The following BBS9 variants were observed in gnomAD, a reference collection of about 807,000 sequenced individuals.
BBS9 encodes the protein protein PTHB1.
BBS9 carries 89 observed loss-of-function variants against 117.7 expected under a neutral mutation model. That is an observed-to-expected ratio of 0.76 (90% CI 0.64 to 0.90). BBS9 has a LOEUF of 0.90. Ranked by LOEUF, BBS9 falls within the 40% of genes least tolerant of loss-of-function variation. The pLI, the probability that BBS9 is intolerant of heterozygous loss-of-function variation, is 0.00. For missense variants in BBS9, 982 were observed against 1,042.2 expected (o/e 0.94, Z 0.80); for synonymous variants, 379 against 370.9 (o/e 1.02, Z -0.25).
intron 12 of BBS9, 38 bp from the exon 13 acceptor site, chr7:33,349,030 A>G: frequency 7.3e-7 from 1 of 1,373,978 alleles, no homozygotes; most frequent in South Asian, 1.2e-5. Flanking sequence ...TTTGAATAAA[A>G]TGTAATTTTC....
chr7:33,296,249 A>G (rs942256510), intron 9 of BBS9, among the ~76,000 whole-genome samples: 17 of 152,158 alleles, frequency 1.1e-4, no homozygotes, highest in African/African-American at 3.9e-4. Flanking sequence ...TTTTCTGAAC[A>G]TATCTTGGAA....
chr7:33,320,305 A>G (rs987814366), intron 9 of BBS9, among the ~76,000 whole-genome samples: 5 of 152,106 alleles, frequency 3.3e-5, no homozygotes, highest in African/African-American at 1.2e-4. Flanking sequence ...CAATCGTTTT[A>G]ATTTTTAGCA....
At chr7:33,351,053 A>G (rs1818557686) in intron 13 of BBS9, among the ~76,000 whole-genome samples, 166 bp from the exon 14 acceptor site, 1 of 152,238 alleles carries the variant, frequency 6.6e-6, no homozygotes, top group Admixed American at 6.5e-5. Context: ...AATGAGGACA[A>G]TAATAGTATC....
chr7:33,299,143 T>C (rs1266890664), intron 9 of BBS9, among the ~76,000 whole-genome samples: 2 of 152,188 alleles, frequency 1.3e-5, no homozygotes, highest in Non-Finnish European at 2.9e-5. Context: ...GCTTCAGCAT[T>C]GCTGGCTGTA....
chr7:33,470,289 C>CTT (rs34152927), intron 19 of BBS9, among the ~76,000 whole-genome samples: 18 of 150,842 alleles, frequency 1.2e-4, no homozygotes, highest in Non-Finnish European at 1.8e-4. Context: ...CACCAGCATT[C>CTT]TTTTTTTTTC....
chr7:33,149,458 A>C (rs1350863335), intron 2 of BBS9, among the ~76,000 whole-genome samples: 1 of 152,184 alleles, frequency 6.6e-6, no homozygotes, highest in Middle Eastern at 3.2e-3. Flanking sequence ...TTCCTTGTTA[A>C]TCTTGATAGT....
chr7:33,155,546 G>T, intron 3 of BBS9, 92 bp from the exon 4 acceptor site: 2 of 794,728 alleles, frequency 2.5e-6, no homozygotes, highest in East Asian at 2.7e-5. Flanking sequence ...CAGTGGCTGT[G>T]GTTATGAGAT....
intron 4 of BBS9, among the ~76,000 whole-genome samples, chr7:33,156,119 C>T (rs1483692587): frequency 2.0e-5 from 3 of 152,138 alleles, no homozygotes; most frequent in Admixed American, 1.3e-4. Flanking sequence ...TTCTCTTTAC[C>T]GTTCCAATTT....
At chr7:33,529,657 C>G (rs1195073538) in intron 20 of BBS9, among the ~76,000 whole-genome samples, 1 of 152,162 alleles carries the variant, frequency 6.6e-6, no homozygotes, top group African/African-American at 2.4e-5. Flanking sequence ...ACTCCCCCAC[C>G]GCTGTTGTTT....
At chr7:33,347,644 A>G (rs1817850705) in intron 12 of BBS9, among the ~76,000 whole-genome samples, 1 of 151,972 alleles carries the variant, frequency 6.6e-6, no homozygotes, top group African/African-American at 2.4e-5. Flanking sequence ...GTTGTGCAGA[A>G]TACTCACATC....
chr7:33,586,829 T>C (rs1217831263), intron 21 of BBS9, among the ~76,000 whole-genome samples: 2 of 152,088 alleles, frequency 1.3e-5, no homozygotes, highest in African/African-American at 4.8e-5. Flanking sequence ...TTCTCACTTA[T>C]GAGTGGAAGC....
intron 21 of BBS9, among the ~76,000 whole-genome samples, chr7:33,541,231 C>G (rs1852246192): frequency 6.6e-6 from 1 of 152,086 alleles, no homozygotes; most frequent in African/African-American, 2.4e-5. Flanking sequence ...TGTCTGATCT[C>G]AGTGTATGAT....
intron 19 of BBS9, among the ~76,000 whole-genome samples, chr7:33,430,599 A>G (rs1400835105): frequency 6.6e-6 from 1 of 152,210 alleles, no homozygotes; most frequent in Non-Finnish European, 1.5e-5. Flanking sequence ...GCAGTGGATA[A>G]AAGTCCAAAT....
chr7:33,233,375 G>C (rs1007526406), intron 5 of BBS9, among the ~76,000 whole-genome samples: 14 of 152,014 alleles, frequency 9.2e-5, no homozygotes, highest in Admixed American at 9.2e-4. Context: ...CAAATAATCT[G>C]TCTAGTATCA....
chr7:33,238,947 T>C (rs2128279286), intron 5 of BBS9, among the ~76,000 whole-genome samples: 1 of 152,290 alleles, frequency 6.6e-6, no homozygotes, highest in Middle Eastern at 3.4e-3. Context: ...GGTTATAAAT[T>C]ACCAGTATTT....
intron 21 of BBS9, among the ~76,000 whole-genome samples, chr7:33,558,374 G>A (rs542743451): frequency 1.3e-5 from 2 of 152,230 alleles, no homozygotes; most frequent in East Asian, 1.9e-4. Flanking sequence ...GAGGATGGAT[G>A]GGAAGGAGCC....
intron 21 of BBS9, among the ~76,000 whole-genome samples, chr7:33,627,907 G>A (rs147278868): frequency 6.6e-6 from 1 of 152,104 alleles, no homozygotes; most frequent in African/African-American, 2.4e-5. Context: ...AGCTGGATGT[G>A]GTGGTGCATG....
At chr7:33,252,960 CTT>C (rs916288238) in intron 5 of BBS9, among the ~76,000 whole-genome samples, 1 of 152,008 alleles carries the variant, frequency 6.6e-6, no homozygotes, top group South Asian at 2.1e-4. Flanking sequence ...TATTTATACA[CTT>C]TTTTTGATGA....
In BBS9 at chr7:33,582,509, C is replaced by A. The variant is rs549973107; in HGVS notation, c.2522-22356C>A. ...TCACTGTTCCCTTTTCATAGTTATA[C>A]CTTGTTTCTACAATACACACACACA... On this transcript the variant is annotated intron_variant, in intron 21 of 22. Transcript: ENST00000242067. Among the ~76,000 whole-genome samples, 130 of 151,320 alleles carry A rather than the reference C, an allele frequency of 8.6e-4. 1 individual carries two copies. The Middle Eastern group carries it at 0.01, about 12-fold the overall frequency.
Sources: allele counts gnomAD v4.1 joint callset (sites outside exome capture counted in the v4.1 genomes callset), GRCh38; gene constraint gnomAD v4.1.1; transcripts MANE v1.5; gene names NCBI Gene and HGNC (gene_info 2026-07-23, HGNC 2026-07-21).